Variants in ART4 observed in about 807,000 individuals in gnomAD.
ART4 encodes ADP-ribosyltransferase 4 (inactive) (Dombrock blood group), also known as ecto-ADP-ribosyltransferase 4.
Under a neutral mutation model 24.2 loss-of-function variants are expected in ART4, and 14 were observed. That is an observed-to-expected ratio of 0.58 (90% CI 0.38 to 0.90). The LOEUF is 0.90. Among genes scored for constraint, ART4 ranks in the 40% least tolerant of loss-of-function variants. The probability of loss-of-function intolerance (pLI) is 0.00; values close to 1 mark genes in which losing one functional copy is unlikely to be tolerated. For synonymous variants in ART4, 145 were observed against 139.9 expected, an observed-to-expected ratio of 1.04 and a Z score of -0.26; for missense variants, 356 against 366.6, an observed-to-expected ratio of 0.97 and a Z score of 0.24.
At chr12:14,839,059 T>C (rs907618121) in intron 2 of ART4, among the ~76,000 whole-genome samples, 1 of 152,180 alleles carries the variant, frequency 6.6e-6, no homozygotes, top group African/African-American at 2.4e-5. Context: ...TTTTCCTGCT[T>C]CAGTTCATTT....
rs1261927102 is a variant in ART4, at chr12:14,841,120, C to G, written c.178G>C (p.Gly60Arg). 2 of 1,581,588 alleles carry G rather than the reference C, an allele frequency of 1.3e-6. No individual in the cohort carries two copies. The highest frequency in any genetic ancestry group is 2.2e-5 in the East Asian group (1 of 44,630). The change falls in exon 2 of 3, where the codon GGT becomes CGT. Residue 60 changes from glycine (G) to arginine (R), a missense_variant. Gly to Arg is a moderately radical substitution (Grantham distance 125, BLOSUM62 -2). Transcript: ENST00000228936. ...CCTTGGTACTGATCATCAAAAGAAC[C>G]TGGTGCGAAGTCGAAGTCGATTTTA... ...AIKIDFDFAP[G>R]SFDDQYQGCS...
At chr12:14,836,943 A>G (rs1289840099) in intron 2 of ART4, among the ~76,000 whole-genome samples, 1 of 152,156 alleles carries the variant, frequency 6.6e-6, no homozygotes, top group Non-Finnish European at 1.5e-5. Flanking sequence ...TCTCTTGGGC[A>G]TATCTGAATC....
At chr12:14,836,611 A>T (rs1950432772) in intron 2 of ART4, among the ~76,000 whole-genome samples, 1 of 152,200 alleles carries the variant, frequency 6.6e-6, no homozygotes, top group South Asian at 2.1e-4. Context: ...GCCCTCAACT[A>T]AATGACTGTG....
At chr12:14,830,639 C>CTGTATGTA (rs1470378074) in intron 2 of ART4, among the ~76,000 whole-genome samples, 1 of 45,168 alleles carries the variant, frequency 2.2e-5, no homozygotes, top group African/African-American at 7.9e-5. Context: ...TATGTGTGTA[C>CTGTATGTA]TGTATGTATG....
At position 14,841,116 on chromosome 12, in the gene ART4, G is replaced by C. The variant is rs1333942551; in HGVS notation, c.182C>G (p.Ser61Cys). ...ACAGCCTTGGTACTGATCATCAAAA[G>C]AACCTGGTGCGAAGTCGAAGTCGAT... ...IKIDFDFAPG[S>C]FDDQYQGCSK... The change falls in exon 2 of 3, where the codon TCT (serine) becomes TGT (cysteine). Residue 61 changes from serine (S) to cysteine (C), a missense_variant. Transcript: ENST00000228936. 1 of 1,584,062 alleles carries C rather than the reference G, an allele frequency of 6.3e-7. No individual in the cohort carries two copies. Among genetic ancestry groups the C allele is most frequent in the African/African-American group, 1.4e-5 (1 of 73,240 alleles).
At position 14,828,738 on chromosome 12, in the gene ART4, GA is replaced by G. The variant is rs1274747746; in HGVS notation, c.*632del. On this transcript the variant is annotated 3_prime_UTR_variant, in exon 3 of 3. Coordinates refer to ENST00000228936, the MANE Select transcript of ART4 (RefSeq NM_021071.4). ...AACATAAATTATTGATTTATGTAAT[GA>G]AAAATCTTGTAGTATTCAGCTTTAG... 6.6e-6 allele frequency: 1 copy of G among 152,164 alleles called. No homozygotes were observed. The highest frequency in any genetic ancestry group is 1.5e-5 in the Non-Finnish European group (1 of 68,030). 9.4% of individuals were successfully genotyped at this position (152,164 alleles called of 1,614,324 possible).
At position 14,829,446 on chromosome 12, in the gene ART4, G is replaced by A. The variant is rs142101539; in HGVS notation, c.870C>T (p.Cys290=). The A allele has an allele frequency of 2.8e-4, 446 of 1,606,826 alleles. No individual in the cohort carries two copies. The highest frequency in any genetic ancestry group is 3.5e-4 in the Non-Finnish European group (417 of 1,177,964). The change falls in exon 3 of 3, where the codon TGC becomes TGT. Residue 290 remains cysteine (C), a synonymous_variant. Coordinates refer to ENST00000228936, the MANE Select transcript of ART4 (RefSeq NM_021071.4). ...CQLLKASSKK[C]IPDPIAIASL... Reference sequence around the variant, plus strand: ...ATGCAATAGCTATAGGATCAGGGATGCATTTCTTGCTGGAAGCTGTAAAAA... The same window carrying A: ...ATGCAATAGCTATAGGATCAGGGATACATTTCTTGCTGGAAGCTGTAAAAA...
chr12:14,843,463 A>AGG lies in ART4; in HGVS notation c.-351_-350insCC, dbSNP rs1863089462. 5.7e-6 allele frequency: 1 copy of AGG among 175,620 alleles called. No homozygotes were observed. Among genetic ancestry groups the AGG allele is most frequent in the Non-Finnish European group, 1.2e-5 (1 of 81,570 alleles). 10.9% of individuals were successfully genotyped at this position (175,620 alleles called of 1,614,324 possible). ...TGTTAAGTGTCAGACTCAGCAGTTC[A>AGG]GCCTTCCCTTTCCCAGCCAAACAGG... On this transcript the variant is annotated 5_prime_UTR_variant, in exon 1 of 3. It introduces an in-frame stop codon into an upstream open reading frame of the 5' UTR. Transcript: ENST00000228936.
rs1199278917 is a variant in ART4 at position 14,843,301 on chromosome 12, CT to C, written c.-189del. 14 of 598,804 alleles carry C rather than the reference CT, an allele frequency of 2.3e-5. No homozygotes were observed. The highest frequency in any genetic ancestry group is 9.3e-4 in the Middle Eastern group (2 of 2,146). The allele number at this position is 598,804 out of a possible 1,614,324, so 37.1% of individuals were successfully genotyped here. ...TGAGGGAAGAAATCAACTCCGACTT[CT>C]TTGCAAAACTGAAATCTCTGTGAAA... On this transcript the variant is annotated 5_prime_UTR_variant, in exon 1 of 3. Transcript: ENST00000228936.
intron 2 of ART4, among the ~76,000 whole-genome samples, chr12:14,830,099 A>G (rs893936321): frequency 1.3e-5 from 2 of 150,112 alleles, no homozygotes; most frequent in Admixed American, 6.7e-5. Context: ...AGCAAGAAAT[A>G]TTCACACAAT....
At chr12:14,836,849 G>T (rs144285782) in intron 2 of ART4, among the ~76,000 whole-genome samples, 1,594 of 152,216 alleles carry the variant, frequency 0.01, 30 homozygotes, top group African/African-American at 0.036. Context: ...TGATGCCTCT[G>T]ACCTATCTCT....
In ART4 at chr12:14,843,410, G is replaced by A. The variant is rs760433158; in HGVS notation, c.-297C>T. On this transcript the variant is annotated 5_prime_UTR_variant, in exon 1 of 3. Transcript: ENST00000228936. The stretch of plus-strand genomic sequence containing the variant: ...TTAAAAAAATAAAATCTCTGATCTA[G>A]TCTGTATTCAGGGGAATGCCGAAGT... 6 of 276,186 alleles carry A rather than the reference G, an allele frequency of 2.2e-5. No homozygotes were observed. Among genetic ancestry groups the A allele is most frequent in the Non-Finnish European group, 4.3e-5 (6 of 140,800 alleles). 17.1% of individuals were successfully genotyped at this position (276,186 alleles called of 1,614,324 possible).
rs767594099 is a variant in ART4, at chr12:14,840,428, A to G, written c.853+17T>C. On this transcript the variant is annotated intron_variant, in intron 2 of 2. Coordinates refer to ENST00000228936, the MANE Select transcript of ART4 (RefSeq NM_021071.4). Reference sequence around the variant, plus strand: ...TGGTCTGTGATCCTGAGTGGCCTCAATTTAGATAAAGAATACCTTTTAGCA... The same window carrying G: ...TGGTCTGTGATCCTGAGTGGCCTCAGTTTAGATAAAGAATACCTTTTAGCA... The G allele has an allele frequency of 1.8e-5, 28 of 1,574,368 alleles. 1 individual carries two copies. The East Asian group carries it at 3.1e-4, about 18-fold the overall frequency.
chr12:14,825,823 C>T lies in ART4; in HGVS notation c.*3548G>A, dbSNP rs988952322. Reference sequence around the variant, plus strand: ...GAGAACTTCAGGATAATCTAATAGGCGTATTAAAGAGAACACCTTGTTATA... The same window carrying T: ...GAGAACTTCAGGATAATCTAATAGGTGTATTAAAGAGAACACCTTGTTATA... On this transcript the variant is annotated 3_prime_UTR_variant, in exon 3 of 3. Coordinates refer to ENST00000228936, the MANE Select transcript of ART4 (RefSeq NM_021071.4). 4 of 151,814 alleles carry T rather than the reference C, an allele frequency of 2.6e-5. No individual in the cohort carries two copies. The highest frequency in any genetic ancestry group is 7.3e-5 in the African/African-American group (3 of 41,314). 9.4% of individuals were successfully genotyped at this position (151,814 alleles called of 1,614,324 possible).
In ART4 at chr12:14,841,052, A is replaced by G. The variant is rs904706147; in HGVS notation, c.246T>C (p.Tyr82=). ...TCTGGGCTTCTATGTCTTTTGTGAA[A>G]TAATCCCCTTGAGTTAGTTTCTCCA... is the stretch of plus-strand genomic sequence containing the variant. ...QVMEKLTQGD[Y]FTKDIEAQKN... Residue 82 remains tyrosine, a synonymous_variant, in exon 2 of 3, where the codon TAT becomes TAC. Transcript: ENST00000228936. 5.6e-6 allele frequency: 9 copies of G among 1,614,212 alleles called. No individual in the cohort carries two copies. The highest frequency in any genetic ancestry group is 1.1e-5 in the South Asian group (1 of 91,086).
At position 14,840,826 on chromosome 12, in the gene ART4, A is replaced by G. The variant is rs760979592; in HGVS notation, c.472T>C (p.Tyr158His). ...QQYERSFHFKYLHYYLTSAIQ... is the reference protein window; with the variant it reads ...QQYERSFHFKHLHYYLTSAIQ... ...GCTGAGGTGAGGTAGTAGTGTAAAT[A>G]TTTGAAGTGGAATGAACGTTCATAC... is the stretch of plus-strand genomic sequence containing the variant. The change falls in exon 2 of 3, where the codon TAT becomes CAT. Residue 158 changes from tyrosine to histidine, a missense_variant. Tyr to His is a moderately conservative substitution (Grantham distance 83). Coordinates refer to ENST00000228936, the MANE Select transcript of ART4 (RefSeq NM_021071.4). 2.5e-6 allele frequency: 4 copies of G among 1,614,080 alleles called. No homozygotes were observed. The East Asian group carries it at 8.9e-5, about 36-fold the overall frequency.
chr12:14,839,229 C>T (rs910751078), intron 2 of ART4, among the ~76,000 whole-genome samples: 3 of 152,144 alleles, frequency 2.0e-5, no homozygotes, highest in Non-Finnish European at 4.4e-5. Context: ...AATTCTCCTA[C>T]CTGGATAAAT....
In ART4 at chr12:14,835,084, C is replaced by T. The variant is rs530155476; in HGVS notation, c.853+5361G>A. On this transcript the variant is annotated intron_variant, in intron 2 of 2. Coordinates refer to ENST00000228936, the MANE Select transcript of ART4 (RefSeq NM_021071.4). The stretch of plus-strand genomic sequence containing the variant: ...TCTTCAAGTGGTCTTTCCAGTATCA[C>T]GTCTGTCAGATTGAGAGGGAACAGG... Among the ~76,000 whole-genome samples, 5 of 152,282 alleles carry T rather than the reference C, an allele frequency of 3.3e-5. No homozygotes were observed. In the South Asian group the frequency reaches 8.3e-4, roughly 25 times the overall value.
Position 14,843,006 on chromosome 12 carries a change from G to C in ART4, c.108C>G (p.Leu36=). 1.2e-6 allele frequency: 2 copies of C among 1,613,906 alleles called. No homozygotes were observed. The highest frequency in any genetic ancestry group is 2.2e-5 in the South Asian group (2 of 91,020). The part of the protein sequence containing the change: ...LLGGLLPFLL[L]LSGLQRPTEG... ...CTGTGGGTCTCTGCAGGCCAGAGAG[G>C]AGCAGCAGGAATGGCAGCAGGCCTC... Residue 36 remains leucine (L), a synonymous_variant, in exon 1 of 3, where the codon CTC becomes CTG. Coordinates refer to ENST00000228936, the MANE Select transcript of ART4 (RefSeq NM_021071.4).
Sources: allele counts gnomAD v4.1 joint callset (sites outside exome capture counted in the v4.1 genomes callset), GRCh38; gene constraint gnomAD v4.1.1; transcripts MANE v1.5; gene names NCBI Gene and HGNC (gene_info 2026-07-23, HGNC 2026-07-21).